The following WARS2 variants were observed in gnomAD, a reference collection of about 807,000 sequenced individuals.
The protein encoded by WARS2 is tryptophan--tRNA ligase, mitochondrial.
WARS2 carries 28 observed loss-of-function variants against 36.5 expected under a neutral mutation model. The observed-to-expected ratio is 0.77, with a 90% confidence interval of 0.57 to 1.05. The LOEUF is 1.05. Ranked by LOEUF, WARS2 falls within the 50% of genes least tolerant of loss-of-function variation. The pLI, the probability that WARS2 is intolerant of heterozygous loss-of-function variation, is 0.00. For synonymous variants in WARS2, 174 were observed against 178.4 expected (o/e 0.98, Z 0.20); for missense variants, 435 against 456.8 (o/e 0.95, Z 0.44).
At chr1:119,046,327 G>T (rs1571268467) in intron 2 of WARS2, among the ~76,000 whole-genome samples, 1 of 110,980 alleles carries the variant, frequency 9.0e-6, no homozygotes, top group African/African-American at 3.3e-5. Flanking sequence ...AGTCTAATCA[G>T]CAAGAAAATA....
intron 2 of WARS2, among the ~76,000 whole-genome samples, chr1:119,059,009 T>C (rs1261327707): frequency 6.6e-6 from 1 of 152,170 alleles, no homozygotes; most frequent in South Asian, 2.1e-4. Context: ...TTCTAACTGG[T>C]GTGAGATAGT....
chr1:119,078,860 A>T (rs1651970977), intron 1 of WARS2, among the ~76,000 whole-genome samples: 1 of 152,082 alleles, frequency 6.6e-6, no homozygotes. Flanking sequence ...TGTATCATAG[A>T]AGAAATCTTT....
chr1:119,053,493 G>A (rs1557944737), intron 2 of WARS2, among the ~76,000 whole-genome samples: 1 of 152,154 alleles, frequency 6.6e-6, no homozygotes, highest in African/African-American at 2.4e-5. Context: ...GACCTGTAGA[G>A]AAATTGATGG....
Position 119,065,069 on chromosome 1 carries a change from A to T in WARS2, c.348+11281T>A, listed in dbSNP as rs190897655. On this transcript the variant is annotated intron_variant, in intron 2 of 5. Transcript: ENST00000235521. ...TAATGACATTAGAAATCAATTTTTT[A>T]AAAAAGTTAAGTTAAAAAAAGAGCC... 2.0e-4 allele frequency among the ~76,000 whole-genome samples: 31 copies of T among 152,318 alleles called. No homozygotes were observed. In the East Asian group the frequency reaches 3.7e-3, roughly 18 times the overall value.
At chr1:119,126,110 C>A (rs587765544) in intron 1 of WARS2, among the ~76,000 whole-genome samples, 22 of 152,136 alleles carry the variant, frequency 1.4e-4, no homozygotes, top group Non-Finnish European at 2.9e-4. Flanking sequence ...CTTCCCTACC[C>A]AGCCTGGCCC....
intron 1 of WARS2, among the ~76,000 whole-genome samples, chr1:119,077,006 G>A (rs1342456753): frequency 6.6e-6 from 1 of 151,754 alleles, no homozygotes; most frequent in African/African-American, 2.4e-5. Flanking sequence ...TGGGCGTGGT[G>A]GTACACCTTT....
chr1:119,064,003 G>A (rs988386372), intron 2 of WARS2: 7 of 152,250 alleles, frequency 4.6e-5, no homozygotes, highest in East Asian at 1.9e-4. Flanking sequence ...AGCTTGCACC[G>A]TGAGCCTGGA....
chr1:119,039,424 C>G (rs1445764178), intron 4 of WARS2, among the ~76,000 whole-genome samples: 1 of 150,592 alleles, frequency 6.6e-6, no homozygotes, highest in East Asian at 1.9e-4. Context: ...TACACACAAA[C>G]AGAGAGAGAG....
At chr1:119,088,549 G>A (rs1023316165) in intron 1 of WARS2, among the ~76,000 whole-genome samples, 10 of 152,070 alleles carry the variant, frequency 6.6e-5, no homozygotes, top group African/African-American at 2.4e-4. Context: ...CTAATGCAAT[G>A]ATTTAATCAT....
At chr1:119,136,106 T>C (rs1356414815) in intron 1 of WARS2, among the ~76,000 whole-genome samples, 1 of 152,076 alleles carries the variant, frequency 6.6e-6, no homozygotes, top group East Asian at 1.9e-4. Context: ...AATAAATTTG[T>C]ATAAAAAATA....
intron 1 of WARS2, among the ~76,000 whole-genome samples, chr1:119,121,381 G>A (rs1423592880): frequency 6.6e-6 from 1 of 151,958 alleles, no homozygotes; most frequent in Non-Finnish European, 1.5e-5. Flanking sequence ...TACTGCTGAA[G>A]GAAATCATAG....
chr1:119,065,841 G>A (rs1650798121), intron 2 of WARS2, among the ~76,000 whole-genome samples: 1 of 152,058 alleles, frequency 6.6e-6, no homozygotes, highest in Admixed American at 6.6e-5. Flanking sequence ...TAGAATTTTA[G>A]AAAACATATA....
At chr1:119,058,281 T>C (rs1650012009) in intron 2 of WARS2, among the ~76,000 whole-genome samples, 1 of 150,022 alleles carries the variant, frequency 6.7e-6, no homozygotes, top group African/African-American at 2.5e-5. Flanking sequence ...CATATATATG[T>C]GGGTCTACTT....
At chr1:119,078,290 C>T (rs1651895911) in intron 1 of WARS2, among the ~76,000 whole-genome samples, 2 of 152,002 alleles carry the variant, frequency 1.3e-5, no homozygotes, top group South Asian at 4.2e-4. Flanking sequence ...ATTACAGGGA[C>T]AAAAAAGACC....
At chr1:119,035,088 G>T (rs1647762650) in intron 4 of WARS2, among the ~76,000 whole-genome samples, 1 of 152,150 alleles carries the variant, frequency 6.6e-6, no homozygotes, top group Non-Finnish European at 1.5e-5. Context: ...TATAGGGAAT[G>T]ACTTCATCAT....
intron 2 of WARS2, among the ~76,000 whole-genome samples, chr1:119,070,358 T>C (rs1476269897): frequency 6.6e-6 from 1 of 151,956 alleles, no homozygotes; most frequent in East Asian, 2.0e-4. Flanking sequence ...GCCTCCTGGG[T>C]TCACCCGATT....
intron 2 of WARS2, among the ~76,000 whole-genome samples, chr1:119,071,339 TGGGTATATATACAAA>T (rs1468998182): frequency 8.5e-5 from 13 of 152,136 alleles, no homozygotes; most frequent in African/African-American, 3.1e-4. Flanking sequence ...ATCCCTCTAA[TGGGTATATATACAAA>T]GGAAAGAAAA....
Position 119,041,254 on chromosome 1 carries a change from T to C in WARS2, c.515+1010A>G, listed in dbSNP as rs576634135. Among the ~76,000 whole-genome samples the C allele has an allele frequency of 4.6e-5, 7 of 152,294 alleles. No individual in the cohort carries two copies. The East Asian group carries it at 1.2e-3, about 25-fold the overall frequency. On this transcript the variant is annotated intron_variant, in intron 4 of 5. Transcript: ENST00000235521. ...TGCAGTGTCTTCTTTTCCCAGAAGC[T>C]TTCACAGTAGCATGGCCCTAAGCAC...
intron 2 of WARS2, among the ~76,000 whole-genome samples, chr1:119,058,176 C>T (rs958287323): frequency 1.3e-5 from 2 of 152,110 alleles, no homozygotes; most frequent in African/African-American, 4.8e-5. Context: ...TTCTCCCTCA[C>T]ATGGACATCT....
Sources: gnomAD v4.1 joint callset for allele counts (sites outside exome capture counted in the v4.1 genomes callset) on GRCh38, gnomAD v4.1.1 for gene constraint, MANE v1.5 for transcripts, NCBI Gene and HGNC (gene_info 2026-07-23, HGNC 2026-07-21) for gene names.